The following INSR variants were observed in gnomAD, a reference collection of about 807,000 sequenced individuals.
INSR encodes insulin receptor, also known as IR.
In INSR, 67 loss-of-function variants were observed where a neutral mutation model predicts 142.6. The ratio of observed to expected loss-of-function variants is 0.47; its 90% CI spans 0.39 to 0.58. The LOEUF (loss-of-function observed/expected upper bound fraction) is 0.58, where lower values mean the gene tolerates loss of function less well. Ranked by LOEUF, INSR falls within the 20% of genes least tolerant of loss-of-function variation. The pLI is 0.00. For missense variants in INSR, 1,248 were observed against 1,833.2 expected (o/e 0.68, Z 5.83); for synonymous variants, 756 against 743.1 (o/e 1.02, Z -0.28).
chr19:7,153,370 C>CACACACCACACACACCAA (rs1490656300), intron 9 of INSR, among the ~76,000 whole-genome samples: 2 of 69,406 alleles, frequency 2.9e-5, no homozygotes, highest in African/African-American at 4.3e-5. Context: ...ACACACCCCA[C>CACACACCACACACACCAA]ACACACCATA....
At chr19:7,172,989 A>T (rs1291611993) in intron 4 of INSR, among the ~76,000 whole-genome samples, 1 of 152,174 alleles carries the variant, frequency 6.6e-6, no homozygotes, top group East Asian at 1.9e-4. Flanking sequence ...ATTGGAACAA[A>T]GCCATGCCTG....
intron 2 of INSR, among the ~76,000 whole-genome samples, chr19:7,194,719 C>A (rs1172539566): frequency 1.4e-5 from 2 of 147,674 alleles, no homozygotes; most frequent in African/African-American, 5.0e-5. Flanking sequence ...AGCGGTTTCA[C>A]CATGTTGGCC....
intron 2 of INSR, among the ~76,000 whole-genome samples, chr19:7,187,699 G>C (rs1463417568): frequency 6.6e-6 from 1 of 151,508 alleles, no homozygotes; most frequent in African/African-American, 2.4e-5. Context: ...CGGCCTCTTG[G>C]GTAGCTGGAA....
At chr19:7,170,499 G>A in intron 6 of INSR, 38 bp downstream of exon 6, 1 of 1,510,478 alleles carries the variant, frequency 6.6e-7, no homozygotes, top group Non-Finnish European at 9.2e-7. Flanking sequence ...CACTACACCG[G>A]TCCCTCATGC....
rs149286247 is a variant in INSR at position 7,262,547 on chromosome 19, G to A, written c.652+4798C>T. Among the ~76,000 whole-genome samples the A allele has an allele frequency of 1.4e-4, 22 of 152,278 alleles. No individual in the cohort carries two copies. The East Asian group carries it at 2.9e-3, about 20-fold the overall frequency. ...ATGCAGGCATTGAAAAGCTAGATGC[G>A]TCAACAGCAGTGGCCCTGATTCACA... On this transcript the variant is annotated intron_variant, in intron 2 of 21. Coordinates refer to ENST00000302850, the MANE Select transcript of INSR (RefSeq NM_000208.4).
At chr19:7,172,557 A>C in intron 4 of INSR, 123 bp from the exon 5 acceptor site, 16 of 1,045,664 alleles carry the variant, frequency 1.5e-5, no homozygotes, top group Non-Finnish European at 2.2e-5. Context: ...CTCAAAACTC[A>C]TCATGCTTAG....
At chr19:7,275,037 A>G (rs1968025588) in intron 1 of INSR, among the ~76,000 whole-genome samples, 1 of 151,320 alleles carries the variant, frequency 6.6e-6, no homozygotes, top group East Asian at 2.0e-4. Flanking sequence ...ATGCAATGAC[A>G]TGATCTCGGC....
rs777456514 is a variant in INSR, at chr19:7,142,936, C to T, written c.2422G>A (p.Val808Ile). 7 of 1,614,128 alleles carry T rather than the reference C, an allele frequency of 4.3e-6. No homozygotes were observed. The highest frequency in any genetic ancestry group is 4.2e-6 in the Non-Finnish European group (5 of 1,180,012). The change falls in exon 12 of 22, where the codon GTC becomes ATC. Residue 808 changes from valine to isoleucine, a missense_variant. Physicochemically the swap from Val to Ile is conservative, Grantham distance 29. This residue lies in a region of INSR where 1,069 missense variants were observed against 1,654.0 expected (regional missense o/e 0.65). Transcript: ENST00000302850. Reference sequence around the variant, plus strand: ...GTGAAGTGTCGCAAGCCGGAGATGACCAGCGACTCCTTGTTCACCACCTTC... The same window carrying T: ...GTGAAGTGTCGCAAGCCGGAGATGATCAGCGACTCCTTGTTCACCACCTTC... ...FEKVVNKESL[V>I]ISGLRHFTGY...
intron 2 of INSR, among the ~76,000 whole-genome samples, chr19:7,196,131 C>T (rs1974742333): frequency 6.6e-6 from 1 of 151,344 alleles, no homozygotes; most frequent in Admixed American, 6.6e-5. Context: ...GACGGGGCTT[C>T]TCCAAGTTGG....
At chr19:7,131,131 C>T (rs1055533187) in intron 14 of INSR, among the ~76,000 whole-genome samples, 4 of 150,182 alleles carry the variant, frequency 2.7e-5, no homozygotes, top group Admixed American at 1.3e-4. Flanking sequence ...CCGCCCACCT[C>T]GGCCTCCCAA....
chr19:7,247,752 C>T (rs1456135856), intron 2 of INSR, among the ~76,000 whole-genome samples: 1 of 152,142 alleles, frequency 6.6e-6, no homozygotes, highest in East Asian at 1.9e-4. Flanking sequence ...CAAATGCAGG[C>T]CTGTCTGACT....
At chr19:7,255,173 T>TGAACCCA in intron 2 of INSR, among the ~76,000 whole-genome samples, 1 of 152,304 alleles carries the variant, frequency 6.6e-6, no homozygotes, top group East Asian at 1.9e-4. Flanking sequence ...AGCGCAGCCT[T>TGAACCCA]GAACCCACCA....
At chr19:7,287,041 G>T (rs972719494) in intron 1 of INSR, among the ~76,000 whole-genome samples, 2 of 151,406 alleles carry the variant, frequency 1.3e-5, no homozygotes, top group East Asian at 3.9e-4. Flanking sequence ...GTGGAGACAG[G>T]GTCTTGCTGT....
chr19:7,268,862 A>G (rs62109585), intron 1 of INSR, among the ~76,000 whole-genome samples: 42,112 of 151,948 alleles, frequency 0.28, 6,258 homozygotes, highest in Non-Finnish European at 0.33. Flanking sequence ...CCAGCCCATC[A>G]TGCTTCAAGA....
chr19:7,138,517 C>T (rs1972994245), intron 13 of INSR, among the ~76,000 whole-genome samples: 2 of 152,074 alleles, frequency 1.3e-5, no homozygotes, highest in South Asian at 4.1e-4. Flanking sequence ...GGACTACAGG[C>T]ATAGACCACC....
rs35763064 is a variant in INSR at position 7,233,668 on chromosome 19, C to CTTTTTTTT, written c.652+33669_652+33676dup. Among the ~76,000 whole-genome samples the CTTTTTTTT allele has an allele frequency of 1.1e-3, 78 of 72,404 alleles. 1 individual carries two copies. Among genetic ancestry groups the CTTTTTTTT allele is most frequent in the Non-Finnish European group, 1.4e-3 (59 of 42,144 alleles). 47.5% of individuals were successfully genotyped at this position (72,404 alleles called of 152,430 possible). A position where few individuals can be genotyped will look rare whatever the true frequency, so the allele number is the denominator to read the frequency against. ...CGTCTTTTGTTTTTTCTTTTTCTGT[C>CTTTTTTTT]TTTTTTTTTTTTTTTTTTTTTTTTT... is the stretch of plus-strand genomic sequence containing the variant. On this transcript the variant is annotated intron_variant, in intron 2 of 21. Coordinates refer to ENST00000302850, the MANE Select transcript of INSR (RefSeq NM_000208.4).
chr19:7,191,709 G>T (rs1166468262), intron 2 of INSR, among the ~76,000 whole-genome samples: 1 of 149,396 alleles, frequency 6.7e-6, no homozygotes, highest in Non-Finnish European at 1.5e-5. Context: ...TAAACCAATA[G>T]TCCCAGCTAC....
intron 6 of INSR, 141 bp downstream of exon 6, chr19:7,170,396 C>A: frequency 1.5e-6 from 1 of 678,662 alleles, no homozygotes. Flanking sequence ...ACAATGTAAT[C>A]ATAATAGGAA....
intron 9 of INSR, 125 bp from the exon 10 acceptor site, chr19:7,153,052 C>T: frequency 2.7e-6 from 1 of 377,290 alleles, no homozygotes. Context: ...CACACACCCC[C>T]CCACACACAC....
Sources: allele counts gnomAD v4.1 joint callset (sites outside exome capture counted in the v4.1 genomes callset), GRCh38; gene constraint gnomAD v4.1.1; regional missense constraint gnomAD v4.1.1; transcripts MANE v1.5; gene names NCBI Gene and HGNC (gene_info 2026-07-23, HGNC 2026-07-21).